PTPRG: variants seen among roughly 807,000 people sequenced by gnomAD.
The protein encoded by PTPRG is receptor-type tyrosine-protein phosphatase gamma.
PTPRG carries 102 observed loss-of-function variants against 165.3 expected under a neutral mutation model. The observed-to-expected ratio is 0.62, with a 90% CI of 0.53 to 0.73. The LOEUF (loss-of-function observed/expected upper bound fraction) is 0.73. Ranked by LOEUF, PTPRG falls within the 30% of genes least tolerant of loss-of-function variation. PTPRG has a pLI of 0.00. For synonymous variants in PTPRG, 675 were observed against 669.5 expected (o/e 1.01, Z -0.13); for missense variants, 1,866 against 1,861.4 (o/e 1.00, Z -0.05).
chr3:61,623,260 A>G (rs1288562860), intron 1 of PTPRG, among the ~76,000 whole-genome samples: 1 of 152,180 alleles, frequency 6.6e-6, no homozygotes. Context: ...TGGCCCTACC[A>G]TGTTTTGTTT....
intron 2 of PTPRG, among the ~76,000 whole-genome samples, chr3:61,918,274 C>G (rs1025659281): frequency 1.3e-5 from 2 of 151,846 alleles, no homozygotes; most frequent in Non-Finnish European, 2.9e-5. Context: ...CAGAGAGAAA[C>G]GAGAATTAAG....
intron 2 of PTPRG, among the ~76,000 whole-genome samples, chr3:61,945,534 G>A (rs1383955614): frequency 7.7e-6 from 1 of 130,422 alleles, no homozygotes; most frequent in Non-Finnish European, 1.5e-5. Context: ...ACTCCAGCCT[G>A]GGCAATAGGA....
intron 5 of PTPRG, among the ~76,000 whole-genome samples, chr3:62,086,024 C>T (rs950634295): frequency 6.6e-6 from 1 of 152,090 alleles, no homozygotes; most frequent in Non-Finnish European, 1.5e-5. Flanking sequence ...AGAATTATAT[C>T]TTATGTATAT....
chr3:62,222,538 A>G lies in PTPRG; in HGVS notation c.2288+3555A>G, dbSNP rs1700673976. 6.6e-6 allele frequency among the ~76,000 whole-genome samples: 1 copy of G among 152,226 alleles called. No individual in the cohort carries two copies. Among genetic ancestry groups the G allele is most frequent in the African/African-American group, 2.4e-5 (1 of 41,456 alleles). The stretch of plus-strand genomic sequence containing the variant: ...CATACCCCGGAGTCGTCTGGTGGCC[A>G]AAAGGATGGAACATTCTTGTCAGGC... On this transcript the variant is annotated intron_variant, in intron 13 of 29. Coordinates refer to ENST00000474889, the MANE Select transcript of PTPRG (RefSeq NM_002841.4). The surrounding 1 kb of genome is among the most constrained non-coding windows in gnomAD (Gnocchi z 4.5).
chr3:62,293,215 A>C lies in PTPRG; in HGVS notation c.4246A>C (p.Asn1416His), dbSNP rs763984144. Reference sequence around the variant, plus strand: ...GCTTAGCTTGGTCAGCACTAAAGAAAATGGAAATGGTCCCATGACAGTAGA... The same window carrying C: ...GCTTAGCTTGGTCAGCACTAAAGAACATGGAAATGGTCCCATGACAGTAGA... ...AMLSLVSTKENGNGPMTVDKN... is the reference protein window; with the variant it reads ...AMLSLVSTKEHGNGPMTVDKN... The change falls in exon 30 of 30, where the codon AAT becomes CAT. Residue 1416 changes from asparagine to histidine, a missense_variant. This residue lies in a region of PTPRG where 1,452 missense variants were observed against 1,463.0 expected (regional missense o/e 0.99). Coordinates refer to ENST00000474889, the MANE Select transcript of PTPRG (RefSeq NM_002841.4). 9 of 1,611,444 alleles carry C rather than the reference A, an allele frequency of 5.6e-6. No individual in the cohort carries two copies. In the Middle Eastern group the frequency reaches 1.2e-3, roughly 207 times the overall value.
intron 1 of PTPRG, among the ~76,000 whole-genome samples, chr3:61,617,893 T>G (rs1701339721): frequency 2.0e-5 from 3 of 152,262 alleles, no homozygotes; most frequent in Admixed American, 2.0e-4. Flanking sequence ...ATCGTATTTT[T>G]CAGATAGTAT....
rs561093170 is a variant in PTPRG at position 62,174,676 on chromosome 3, G to A, written c.1033+6513G>A. On this transcript the variant is annotated intron_variant, in intron 8 of 29. Transcript: ENST00000474889. ...AAAAAGAGTTTGACATTGAAATCAT[G>A]GTTTTCTGCTATTTTGGGAGAAAAT... Among the ~76,000 whole-genome samples the A allele has an allele frequency of 2.6e-5, 4 of 152,064 alleles. No individual in the cohort carries two copies. In the East Asian group the frequency reaches 7.7e-4, roughly 29 times the overall value.
chr3:61,564,055 C>A (rs1162708185), intron 1 of PTPRG, among the ~76,000 whole-genome samples: 5 of 152,198 alleles, frequency 3.3e-5, no homozygotes, highest in Non-Finnish European at 5.9e-5. Context: ...GACACTGGGG[C>A]CTGGGGTTTG....
chr3:62,191,716 C>T (rs1699827312), intron 9 of PTPRG, 63 bp downstream of exon 9: 3 of 1,464,262 alleles, frequency 2.0e-6, no homozygotes, highest in African/African-American at 2.8e-5. Context: ...CTGCAGCTCT[C>T]TGCCAGGCAC....
chr3:62,055,755 C>T (rs952882129), intron 4 of PTPRG, among the ~76,000 whole-genome samples: 1 of 152,138 alleles, frequency 6.6e-6, no homozygotes, highest in Non-Finnish European at 1.5e-5. Flanking sequence ...GTAGATGCAT[C>T]ACTTGCCTTC....
chr3:61,692,783 T>C (rs2030307809), intron 1 of PTPRG, among the ~76,000 whole-genome samples: 2 of 152,150 alleles, frequency 1.3e-5, no homozygotes, highest in Admixed American at 6.5e-5. Context: ...TGTGGTGGAA[T>C]GTCATCAGTT....
At chr3:62,062,873 C>T (rs1273235431) in intron 4 of PTPRG, among the ~76,000 whole-genome samples, 2 of 152,124 alleles carry the variant, frequency 1.3e-5, no homozygotes, top group African/African-American at 2.4e-5. Context: ...AGGCTGTTTT[C>T]AAACTCCTGA....
At chr3:61,779,926 G>T (rs1229559963) in intron 2 of PTPRG, among the ~76,000 whole-genome samples, 1 of 152,162 alleles carries the variant, frequency 6.6e-6, no homozygotes, top group Non-Finnish European at 1.5e-5. Flanking sequence ...TAATTGATCA[G>T]AGTTAGATAT....
rs1436151014 is a variant in PTPRG at position 62,195,963 on chromosome 3, A to G, written c.1327+793A>G. On this transcript the variant is annotated intron_variant, in intron 10 of 29. Transcript: ENST00000474889. This position sits in a 1 kb window ranked among gnomAD's most constrained non-coding sequence, Gnocchi z 4.4. ...CCACCACGCCCAGCTAATTTTTTGT[A>G]TTTTTACTAGAGACGGGGGTTTCAC... 6.6e-6 allele frequency among the ~76,000 whole-genome samples: 1 copy of G among 150,952 alleles called. No individual in the cohort carries two copies. Among genetic ancestry groups the G allele is most frequent in the Admixed American group, 6.6e-5 (1 of 15,166 alleles).
intron 1 of PTPRG, among the ~76,000 whole-genome samples, chr3:61,674,830 A>G (rs1003701587): frequency 6.6e-6 from 1 of 152,190 alleles, no homozygotes; most frequent in Non-Finnish European, 1.5e-5. Context: ...TGTGAGTGTC[A>G]TGGTTACAGT....
At chr3:62,033,827 G>C (rs1699853538) in intron 4 of PTPRG, among the ~76,000 whole-genome samples, 1 of 152,132 alleles carries the variant, frequency 6.6e-6, no homozygotes. Flanking sequence ...GAGTGCAGTG[G>C]TGTGACCTCA....
intron 2 of PTPRG, among the ~76,000 whole-genome samples, chr3:61,812,343 A>G (rs2035609758): frequency 6.6e-6 from 1 of 152,058 alleles, no homozygotes. Context: ...TTCAGCAAAT[A>G]TTTATTTTCC....
intron 2 of PTPRG, among the ~76,000 whole-genome samples, chr3:61,870,038 G>A (rs1239640986): frequency 6.6e-6 from 1 of 152,026 alleles, no homozygotes; most frequent in Non-Finnish European, 1.5e-5. Context: ...TGCATATTGA[G>A]CTTTCACTTG....
At chr3:61,889,102 G>A (rs181379926) in intron 2 of PTPRG, among the ~76,000 whole-genome samples, 32 of 152,296 alleles carry the variant, frequency 2.1e-4, no homozygotes, top group African/African-American at 6.7e-4. Flanking sequence ...CTTTGAATCT[G>A]TGTAAATACC....
Sources: allele counts gnomAD v4.1 joint callset (sites outside exome capture counted in the v4.1 genomes callset), GRCh38; gene constraint gnomAD v4.1.1; regional missense constraint gnomAD v4.1.1; non-coding constraint Gnocchi (gnomAD v3.1); transcripts MANE v1.5; gene names NCBI Gene and HGNC (gene_info 2026-07-23, HGNC 2026-07-21).